Variants in TBCB observed in about 807,000 individuals in gnomAD.
The protein encoded by TBCB is tubulin folding cofactor B, also known as tubulin-folding cofactor B.
Under a neutral mutation model 29.2 loss-of-function variants are expected in TBCB, and 18 were observed. The ratio of observed to expected loss-of-function variants is 0.62; its 90% CI spans 0.43 to 0.91. The LOEUF (loss-of-function observed/expected upper bound fraction) is 0.91. Among genes scored for constraint, TBCB ranks in the 40% least tolerant of loss-of-function variants. The pLI, the probability that TBCB is intolerant of heterozygous loss-of-function variation, is 0.00. For synonymous variants in TBCB, 172 were observed against 137.8 expected (o/e 1.25, Z -1.74); for missense variants, 336 against 337.6 (o/e 1.00, Z 0.04).
At chr19:36,119,034 G>A (rs1974002030) in intron 2 of TBCB, among the ~76,000 whole-genome samples, 1 of 152,152 alleles carries the variant, frequency 6.6e-6, no homozygotes, top group Non-Finnish European at 1.5e-5. Context: ...TGAAGCTAAG[G>A]GGTGCGGGTG....
chr19:36,115,253 T>G (rs1450551417), upstream of TBCB: 14 of 531,104 alleles, frequency 2.6e-5, no homozygotes, highest in Non-Finnish European at 4.0e-5. Flanking sequence ...CTCTTGCCAC[T>G]CCTACCTCCG....
At position 36,115,630 on chromosome 19, in the gene TBCB, T is replaced by G. The variant is rs1413056700; in HGVS notation, c.70T>G (p.Ser24Ala). Residue 24 changes from serine to alanine, a missense_variant, in exon 1 of 6, where the codon TCC becomes GCC. Coordinates refer to ENST00000221855, the MANE Select transcript of TBCB (RefSeq NM_001281.3). ...FISSSLNTFR[S>A]EKRYSRSLTI... ...CAGCAGCTCCCTCAACACCTTCCGC[T>G]CCGAGAAGCGATACAGCCGCAGCCT... 3 of 1,599,254 alleles carry G rather than the reference T, an allele frequency of 1.9e-6. No individual in the cohort carries two copies. Among genetic ancestry groups the G allele is most frequent in the Middle Eastern group, 1.7e-4 (1 of 6,000 alleles).
intron 2 of TBCB, chr19:36,120,385 G>A: frequency 5.9e-6 from 2 of 336,616 alleles, no homozygotes; most frequent in African/African-American, 2.1e-5. Context: ...GAGATGCGCT[G>A]TGCACAGGGC....
chr19:36,121,262 C>T (rs1974044918), intron 3 of TBCB, among the ~76,000 whole-genome samples: 1 of 151,808 alleles, frequency 6.6e-6, no homozygotes, highest in African/African-American at 2.4e-5. Flanking sequence ...ATGATGAAGG[C>T]AGATGTGCGC....
At position 36,125,463 on chromosome 19, in the gene TBCB, T is replaced by G; in HGVS notation, c.560T>G (p.Phe187Cys). Residue 187 changes from phenylalanine to cysteine, a missense_variant, in exon 5 of 6, where the codon TTC (phenylalanine) becomes TGC (cysteine). Phe to Cys is a radical substitution (Grantham distance 205). Coordinates refer to ENST00000221855, the MANE Select transcript of TBCB (RefSeq NM_001281.3). ...CTTCTGTTGGCAGGTCTCACAGATT[T>G]CAAGCCTGGCTACTGGATTGGTGTC... ...GTVMYVGLTD[F>C]KPGYWIGVRY... 1 of 1,614,250 alleles carries G rather than the reference T, an allele frequency of 6.2e-7. No homozygotes were observed. The highest frequency in any genetic ancestry group is 8.5e-7 in the Non-Finnish European group (1 of 1,180,036).
chr19:36,125,750 C>T lies in TBCB; in HGVS notation c.703C>T (p.Pro235Ser). The T allele has an allele frequency of 1.3e-6, 2 of 1,562,466 alleles. No homozygotes were observed. The highest frequency in any genetic ancestry group is 1.7e-6 in the Non-Finnish European group (2 of 1,154,342). The change falls in exon 6 of 6, where the codon CCG (proline) becomes TCG (serine). Residue 235 changes from proline (P) to serine (S), a missense_variant. Coordinates refer to ENST00000221855, the MANE Select transcript of TBCB (RefSeq NM_001281.3). Reference protein sequence around the residue: ...KPAVVTVGDFPEEDYGLDEI With the variant: ...KPAVVTVGDFSEEDYGLDEI ...AGCAGTCGTGACGGTGGGGGACTTC[C>T]CGGAGGAGGACTACGGGTTGGACGA...
In TBCB at chr19:36,125,531, G is replaced by T; in HGVS notation, c.620+8G>T. 6.2e-7 allele frequency: 1 copy of T among 1,614,204 alleles called. No individual in the cohort carries two copies. Among genetic ancestry groups the T allele is most frequent in the African/African-American group, 1.3e-5 (1 of 75,062 alleles). On this transcript the variant is annotated splice_region_variant and intron_variant, in intron 5 of 5. Transcript: ENST00000221855. ...GGGGAAAAATGATGGCAGGTAACAA[G>T]AATTCCCACTCAGGTGTCTGTGTGT...
intron 4 of TBCB, chr19:36,122,184 C>T (rs1974066755): frequency 4.4e-6 from 1 of 227,812 alleles, no homozygotes; most frequent in Non-Finnish European, 8.9e-6. Context: ...GTGAGCAGAG[C>T]GCAGGAGGTC....
In TBCB at chr19:36,116,204, G is replaced by T; in HGVS notation, c.258+20G>T. On this transcript the variant is annotated intron_variant, in intron 2 of 5. Transcript: ENST00000221855. Reference sequence around the variant, plus strand: ...ATCCACGTGAGGACTCTCTATCTGGGACACTCCCCCACCCCACCTTTCATT... The same window carrying T: ...ATCCACGTGAGGACTCTCTATCTGGTACACTCCCCCACCCCACCTTTCATT... The T allele has an allele frequency of 6.2e-7, 1 of 1,610,938 alleles. No homozygotes were observed. Among genetic ancestry groups the T allele is most frequent in the South Asian group, 1.1e-5 (1 of 90,966 alleles).
chr19:36,120,246 A>G (rs759175524), intron 2 of TBCB, among the ~76,000 whole-genome samples: 20 of 152,148 alleles, frequency 1.3e-4, no homozygotes, highest in Non-Finnish European at 2.4e-4. Context: ...AGTCCCCAGC[A>G]TGAGGCCCAG....
chr19:36,115,175 G>A (rs1973923189), upstream of TBCB: 1 of 551,906 alleles, frequency 1.8e-6, no homozygotes, highest in South Asian at 2.4e-5. Flanking sequence ...CAGGACAGAA[G>A]CCAAGGCGCT....
chr19:36,116,097 T>C lies in TBCB; in HGVS notation c.171T>C (p.Tyr57=). Residue 57 remains tyrosine (Y), a synonymous_variant, in exon 2 of 6, where the codon TAT becomes TAC. Coordinates refer to ENST00000221855, the MANE Select transcript of TBCB (RefSeq NM_001281.3). ...SPASCMELEL[Y]GVDDKFYSKL... ...CTTCCTGCATGGAACTGGAGCTGTA[T>C]GGAGTTGACGACAAGTTCTACAGCA... 6.2e-7 allele frequency: 1 copy of C among 1,614,188 alleles called. No individual in the cohort carries two copies. Among genetic ancestry groups the C allele is most frequent in the African/African-American group, 1.3e-5 (1 of 75,048 alleles).
In TBCB at chr19:36,115,586, C is replaced by A. The variant is rs778882737; in HGVS notation, c.26C>A (p.Pro9His). The part of the protein sequence containing the change: MEVTGVSA[P>H]TVTVFISSSL... ...ATGGAGGTGACGGGGGTGTCGGCAC[C>A]CACGGTGACCGTTTTCATCAGCAGC... Residue 9 changes from proline (P) to histidine (H), a missense_variant, in exon 1 of 6, where the codon CCC becomes CAC. Transcript: ENST00000221855. 2 of 1,609,882 alleles carry A rather than the reference C, an allele frequency of 1.2e-6. No individual in the cohort carries two copies. Among genetic ancestry groups the A allele is most frequent in the African/African-American group, 2.7e-5 (2 of 74,908 alleles).
At position 36,121,606 on chromosome 19, in the gene TBCB, C is replaced by T. The variant is rs958311511; in HGVS notation, c.435C>T (p.Ala145=). Residue 145 remains alanine, a synonymous_variant, in exon 4 of 6, where the codon GCC becomes GCT. Coordinates refer to ENST00000221855, the MANE Select transcript of TBCB (RefSeq NM_001281.3). ...AGCGGGCTCAGCAGGAGGCCGAGGCCGCCCAGCGCCTGGCCGAGGAGAAGG... is the reference window on the plus strand; with the variant it reads ...AGCGGGCTCAGCAGGAGGCCGAGGCTGCCCAGCGCCTGGCCGAGGAGAAGG... ...EEERAQQEAE[A]AQRLAEEKAQ... 24 of 1,554,284 alleles carry T rather than the reference C, an allele frequency of 1.5e-5. No individual in the cohort carries two copies. Among genetic ancestry groups the T allele is most frequent in the Non-Finnish European group, 2.1e-5 (24 of 1,150,622 alleles).
At chr19:36,118,318 A>G (rs1973989876) in intron 2 of TBCB, among the ~76,000 whole-genome samples, 1 of 151,868 alleles carries the variant, frequency 6.6e-6, no homozygotes, top group African/African-American at 2.4e-5. Flanking sequence ...AAGCTGGGAG[A>G]CCCTATCCTG....
intron 4 of TBCB, among the ~76,000 whole-genome samples, chr19:36,123,305 A>G (rs1974087972): frequency 1.4e-5 from 2 of 140,470 alleles, no homozygotes. Flanking sequence ...GCTATTGCCC[A>G]GGCTGGAATG....
intron 2 of TBCB, among the ~76,000 whole-genome samples, chr19:36,119,191 T>G (rs929565635): frequency 6.6e-6 from 1 of 152,226 alleles, no homozygotes. Context: ...ATTCTTTTTC[T>G]CTTTATAAAT....
At chr19:36,122,073 C>T (rs1024306741) in intron 4 of TBCB, 13 of 354,032 alleles carry the variant, frequency 3.7e-5, no homozygotes, top group Non-Finnish European at 6.3e-5. Flanking sequence ...CTGTGTGAGC[C>T]CAGAGGAAGC....
intron 4 of TBCB, 100 bp downstream of exon 4, chr19:36,121,818 GGCGCGGGGTTGGGGGGGAC>G: frequency 6.8e-7 from 1 of 1,459,864 alleles, no homozygotes; most frequent in Non-Finnish European, 9.3e-7. Context: ...TCTGCCTAGG[GGCGCGGGGTTGGGGGGGAC>G]TCGAAACGAT....
Sources: gnomAD v4.1 joint callset for allele counts (sites outside exome capture counted in the v4.1 genomes callset) on GRCh38, gnomAD v4.1.1 for gene constraint, MANE v1.5 for transcripts, NCBI Gene and HGNC (gene_info 2026-07-23, HGNC 2026-07-21) for gene names.